The following IFT122 variants were observed in gnomAD, a reference collection of about 807,000 sequenced individuals.
The protein encoded by IFT122 is intraflagellar transport 122.
Under a neutral mutation model 161.6 loss-of-function variants are expected in IFT122, and 118 were observed. The ratio of observed to expected loss-of-function variants is 0.73; its 90% CI spans 0.63 to 0.85. The LOEUF (loss-of-function observed/expected upper bound fraction) is 0.85, where lower values mean the gene tolerates loss of function less well. IFT122 is among the 40% of genes least tolerant of loss of function. The pLI is 0.00. For missense variants in IFT122, 1,381 were observed against 1,579.6 expected, an observed-to-expected ratio of 0.87 and a Z score of 2.13; for synonymous variants, 550 against 602.4, an observed-to-expected ratio of 0.91 and a Z score of 1.27.
chr3:129,444,011 A>G lies in IFT122; in HGVS notation c.41+3640A>G, dbSNP rs771372241. Among the ~76,000 whole-genome samples, 10 of 152,344 alleles carry G rather than the reference A, an allele frequency of 6.6e-5. No homozygotes were observed. The East Asian group carries it at 9.6e-4, about 15-fold the overall frequency. The stretch of plus-strand genomic sequence containing the variant: ...GAAAGGAAGCCACATACCAAGGATG[A>G]CTTTAGATGAGAGGTGCAGACACTG... On this transcript the variant is annotated intron_variant, in intron 1 of 29. Coordinates refer to ENST00000348417, the MANE Select transcript of IFT122 (RefSeq NM_052989.3).
At chr3:129,489,006 A>C (rs1281042621) in intron 16 of IFT122, among the ~76,000 whole-genome samples, 1 of 152,132 alleles carries the variant, frequency 6.6e-6, no homozygotes, top group Non-Finnish European at 1.5e-5. Flanking sequence ...CTCTGCACAT[A>C]AGGAAAAGCC....
Position 129,476,374 on chromosome 3 carries a change from C to T in IFT122, c.876C>T (p.Gly292=), listed in dbSNP as rs768782991. 8.9e-5 allele frequency: 144 copies of T among 1,613,992 alleles called. No homozygotes were observed. The highest frequency in any genetic ancestry group is 2.5e-4 in the East Asian group (11 of 44,886). ...DPCCISYFTK[G]EYILLGGSDK... ...GCTGCATCAGCTACTTTACTAAAGG[C>T]GAGTACATTTTGCTGGGGGGTTCAG... The change falls in exon 10 of 30, where the codon GGC becomes GGT. Residue 292 remains glycine, a synonymous_variant. Coordinates refer to ENST00000348417, the MANE Select transcript of IFT122 (RefSeq NM_052989.3).
Position 129,512,704 on chromosome 3 carries a change from T to A in IFT122, c.2987+292T>A, listed in dbSNP as rs2625940. ...TAGAACCCACAGATGAGGGTGTGAC[T>A]GAAATGGAAGAAGCACCAGGCCTTC... On this transcript the variant is annotated intron_variant, in intron 24 of 29. Coordinates refer to ENST00000348417, the MANE Select transcript of IFT122 (RefSeq NM_052989.3). The A allele has an allele frequency of 2.8e-3, 1,334 of 470,734 alleles. 17 individuals carry two copies. Among genetic ancestry groups the A allele is most frequent in the African/African-American group, 0.024 (1,233 of 50,986 alleles). 29.2% of individuals were successfully genotyped at this position (470,734 alleles called of 1,614,324 possible). A position where few individuals can be genotyped will look rare whatever the true frequency, so the allele number is the denominator to read the frequency against.
At chr3:129,514,191 T>C in intron 24 of IFT122, 198 bp from the exon 25 acceptor site, 2 of 704,748 alleles carry the variant, frequency 2.8e-6, no homozygotes, top group Non-Finnish European at 5.2e-6. Context: ...TTTTTATCTT[T>C]GGAAAAATTC....
intron 28 of IFT122, 124 bp from the exon 29 acceptor site, chr3:129,519,444 G>T: frequency 1.5e-6 from 2 of 1,349,842 alleles, no homozygotes; most frequent in East Asian, 2.5e-5. Context: ...CACTGTTAGG[G>T]TCACCTGGGT....
intron 14 of IFT122, among the ~76,000 whole-genome samples, chr3:129,482,178 C>T (rs933614540): frequency 6.6e-6 from 1 of 152,208 alleles, no homozygotes; most frequent in African/African-American, 2.4e-5. Flanking sequence ...TGGCCTTCTA[C>T]TTAATTCACA....
Position 129,504,315 on chromosome 3 carries a change from C to G in IFT122, c.2548-4C>G, listed in dbSNP as rs1295703571. 2 of 1,612,344 alleles carry G rather than the reference C, an allele frequency of 1.2e-6. No homozygotes were observed. Among genetic ancestry groups the G allele is most frequent in the Non-Finnish European group, 1.7e-6 (2 of 1,178,690 alleles). On this transcript the variant is annotated splice_region_variant and splice_polypyrimidine_tract_variant and intron_variant, in intron 20 of 29. Transcript: ENST00000348417. ...ATTAAGACTTCATTTGCTCCTTCCC[C>G]CAGGCCTTTGCTTTGGGTGAGAAGC...
At chr3:129,494,762 T>C (rs1266195485) in intron 17 of IFT122, among the ~76,000 whole-genome samples, 2 of 152,144 alleles carry the variant, frequency 1.3e-5, no homozygotes, top group Non-Finnish European at 2.9e-5. Context: ...ACAAGGAATA[T>C]CTGGAGTCAG....
At position 129,470,999 on chromosome 3, in the gene IFT122, G is replaced by T. The variant is rs567480409; in HGVS notation, c.816+1582G>T. On this transcript the variant is annotated intron_variant, in intron 9 of 29. Transcript: ENST00000348417. The stretch of plus-strand genomic sequence containing the variant: ...GATTCTTGCTTCAGAAGAATAACTT[G>T]TTTCCATGGAGGGTGGATTAAAATA... Among the ~76,000 whole-genome samples the T allele has an allele frequency of 3.3e-5, 5 of 152,332 alleles. No homozygotes were observed. The East Asian group carries it at 9.6e-4, about 29-fold the overall frequency.
Position 129,481,652 on chromosome 3 carries a change from T to C in IFT122, c.1611T>C (p.Thr537=), listed in dbSNP as rs1559922909. The C allele has an allele frequency of 6.2e-7, 1 of 1,613,918 alleles. No individual in the cohort carries two copies. Residue 537 remains threonine (T), a synonymous_variant, in exon 14 of 30, where the codon ACT becomes ACC. Coordinates refer to ENST00000348417, the MANE Select transcript of IFT122 (RefSeq NM_052989.3). ...TGGCCGTGGTAGATGAAAATGACAC[T>C]TGCCTGGTGTATGACATCGACACCA... ...KKLAVVDEND[T]CLVYDIDTKE...
At chr3:129,504,022 G>A in intron 20 of IFT122, 2 of 408,936 alleles carry the variant, frequency 4.9e-6, no homozygotes, top group South Asian at 4.3e-5. Flanking sequence ...CACTACAGGA[G>A]CCCACGCAAA....
intron 4 of IFT122, 127 bp from the exon 5 acceptor site, chr3:129,461,101 T>A (rs1339208142): frequency 4.2e-6 from 4 of 950,128 alleles, no homozygotes; most frequent in Non-Finnish European, 6.8e-6. Context: ...TGCTTTTTGT[T>A]GGTCACTTGC....
At chr3:129,496,870 G>A (rs1243609601) in intron 18 of IFT122, among the ~76,000 whole-genome samples, 1 of 152,152 alleles carries the variant, frequency 6.6e-6, no homozygotes, top group Non-Finnish European at 1.5e-5. Context: ...CTCTGCTTCC[G>A]GGGATAACAA....
chr3:129,476,237 G>A (rs1426206226), intron 9 of IFT122, 78 bp from the exon 10 acceptor site: 45 of 1,529,444 alleles, frequency 2.9e-5, no homozygotes, highest in Admixed American at 5.4e-5. Context: ...AAGTTGGCGA[G>A]AAAAAGCCCT....
intron 26 of IFT122, among the ~76,000 whole-genome samples, chr3:129,516,496 A>G (rs1395286202): frequency 1.0e-4 from 14 of 134,870 alleles, no homozygotes; most frequent in Middle Eastern, 4.2e-3. Flanking sequence ...GCCCCTGCAC[A>G]CACACATGGA....
chr3:129,516,144 G>GCACACACACACAGAGACCGCCCCTGCA (rs1560020280), intron 26 of IFT122, among the ~76,000 whole-genome samples: 21 of 121,398 alleles, frequency 1.7e-4, no homozygotes, highest in African/African-American at 6.9e-4. Context: ...GACTGCCCCT[G>GCACACACACACAGAGACCGCCCCTGCA]CACACACACA....
intron 14 of IFT122, among the ~76,000 whole-genome samples, chr3:129,483,187 T>C (rs190701173): frequency 1.4e-3 from 212 of 152,338 alleles, no homozygotes; most frequent in Middle Eastern, 0.014. Context: ...ATTTAGTCAT[T>C]ATAAAAGATC....
At chr3:129,506,346 C>A in intron 21 of IFT122, 63 bp from the exon 22 acceptor site, 1 of 1,594,574 alleles carries the variant, frequency 6.3e-7, no homozygotes, top group Non-Finnish European at 8.5e-7. Flanking sequence ...AGAGCTCCAT[C>A]CTGCCTCCTG....
rs376279677 is a variant in IFT122, at chr3:129,492,816, CT to C, written c.2046+640del. On this transcript the variant is annotated intron_variant, in intron 17 of 29. Transcript: ENST00000348417. ...GTGGTCAACACTATGCTTTTTTTTT[CT>C]TTTTTTTTTTTTTTTTTCTGAAACA... Among the ~76,000 whole-genome samples the C allele has an allele frequency of 2.5e-3, 308 of 125,704 alleles. 1 individual carries two copies. The highest frequency in any genetic ancestry group is 6.7e-3 in the African/African-American group (222 of 32,902). 82.5% of individuals were successfully genotyped at this position (125,704 alleles called of 152,430 possible).
Sources: allele counts gnomAD v4.1 joint callset (sites outside exome capture counted in the v4.1 genomes callset), GRCh38; gene constraint gnomAD v4.1.1; transcripts MANE v1.5; gene names NCBI Gene and HGNC (gene_info 2026-07-23, HGNC 2026-07-21).